The following SMYD3 variants were observed in gnomAD, a reference collection of about 807,000 sequenced individuals.
The protein encoded by SMYD3 is SET and MYND domain containing 3, also known as histone-lysine N-methyltransferase SMYD3.
In SMYD3, 36 loss-of-function variants were observed where a neutral mutation model predicts 57.7. That is an observed-to-expected ratio of 0.62 (90% confidence interval 0.48 to 0.82). SMYD3 has a LOEUF of 0.82. Ranked by LOEUF, SMYD3 falls within the 40% of genes least tolerant of loss-of-function variation. The pLI is 0.00. For synonymous variants in SMYD3, 211 were observed against 195.0 expected (o/e 1.08, Z -0.68); for missense variants, 515 against 538.8 (o/e 0.96, Z 0.44).
At chr1:246,003,556 T>A (rs1170435026) in intron 5 of SMYD3, among the ~76,000 whole-genome samples, 1 of 152,198 alleles carries the variant, frequency 6.6e-6, no homozygotes, top group African/African-American at 2.4e-5. Context: ...CATTCCTTTT[T>A]ATCTCTTCCC....
intron 5 of SMYD3, among the ~76,000 whole-genome samples, chr1:246,165,479 A>G (rs1200956237): frequency 6.6e-6 from 1 of 152,170 alleles, no homozygotes; most frequent in Non-Finnish European, 1.5e-5. Flanking sequence ...GAGCTCTAGA[A>G]AACAGGAAAA....
intron 8 of SMYD3, among the ~76,000 whole-genome samples, chr1:245,899,196 G>A (rs968993495): frequency 2.6e-5 from 4 of 152,036 alleles, no homozygotes; most frequent in African/African-American, 9.7e-5. Flanking sequence ...AATTTTGATT[G>A]AACTAATGTT....
chr1:245,994,056 G>C (rs1056220463), intron 5 of SMYD3, among the ~76,000 whole-genome samples: 1 of 152,128 alleles, frequency 6.6e-6, no homozygotes, highest in Admixed American at 6.5e-5. Flanking sequence ...AATCCAAAAG[G>C]ACTTGTCTTT....
intron 5 of SMYD3, among the ~76,000 whole-genome samples, chr1:246,300,021 A>T (rs1223419714): frequency 2.3e-5 from 3 of 133,114 alleles, no homozygotes; most frequent in African/African-American, 9.1e-5. Context: ...ATTAAAGTTT[A>T]AAAAAAAAAA....
chr1:246,269,543 C>CTTT (rs570972296), intron 5 of SMYD3, among the ~76,000 whole-genome samples: 16,648 of 134,746 alleles, frequency 0.12, 1,385 homozygotes, highest in East Asian at 0.36. Context: ...CTTTTTTTTT[C>CTTT]TTTTTTTTTT....
At chr1:245,816,597 A>T (rs926850568) in intron 10 of SMYD3, among the ~76,000 whole-genome samples, 1 of 150,984 alleles carries the variant, frequency 6.6e-6, no homozygotes, top group African/African-American at 2.4e-5. Flanking sequence ...AGCGTGAGTG[A>T]CATAGAAGAC....
intron 8 of SMYD3, among the ~76,000 whole-genome samples, chr1:245,882,597 C>A (rs2052847484): frequency 6.6e-6 from 1 of 151,890 alleles, no homozygotes; most frequent in Non-Finnish European, 1.5e-5. Flanking sequence ...TTAATGACTA[C>A]AAAATAAATA....
rs905404865 is a variant in SMYD3, at chr1:246,313,885, T to C, written c.531+13316A>G. ...TCATAGGGAAAAGCACACCCAATAA[T>C]GGCTTGAAAATGATAAAGACTCAAT... is the stretch of plus-strand genomic sequence containing the variant. On this transcript the variant is annotated intron_variant, in intron 5 of 11. Coordinates refer to ENST00000490107, the MANE Select transcript of SMYD3 (RefSeq NM_001167740.2). Among the ~76,000 whole-genome samples, 7 of 152,298 alleles carry C rather than the reference T, an allele frequency of 4.6e-5. No individual in the cohort carries two copies. In the South Asian group the frequency reaches 8.3e-4, roughly 18 times the overall value.
In SMYD3 at chr1:246,208,189, TTC is replaced by T. The variant is rs1259609933; in HGVS notation, c.531+119010_531+119011del. On this transcript the variant is annotated intron_variant, in intron 5 of 11. Coordinates refer to ENST00000490107, the MANE Select transcript of SMYD3 (RefSeq NM_001167740.2). Reference sequence around the variant, plus strand: ...CTGTCTCTCTGCATGCACATTTTGATTCTGCAACAGAGGTCCTGCAAGAGCCA... The same window carrying T: ...CTGTCTCTCTGCATGCACATTTTGATTGCAACAGAGGTCCTGCAAGAGCCA... Among the ~76,000 whole-genome samples, 25 of 152,248 alleles carry T rather than the reference TTC, an allele frequency of 1.6e-4. No individual in the cohort carries two copies. The East Asian group carries it at 4.8e-3, about 29-fold the overall frequency.
intron 5 of SMYD3, among the ~76,000 whole-genome samples, chr1:246,045,358 C>A (rs547921664): frequency 6.6e-6 from 1 of 152,130 alleles, no homozygotes; most frequent in East Asian, 1.9e-4. Context: ...CTTTGACAAA[C>A]CTCACAAAAA....
chr1:246,349,953 T>C lies in SMYD3; in HGVS notation c.228+5078A>G, dbSNP rs546124387. On this transcript the variant is annotated intron_variant, in intron 2 of 11. Coordinates refer to ENST00000490107, the MANE Select transcript of SMYD3 (RefSeq NM_001167740.2). ...ATAATCACTTTGAATATCAATGATC[T>C]AAATGCATCAATTAAAAGACAGGAA... 2.0e-5 allele frequency among the ~76,000 whole-genome samples: 3 copies of C among 152,306 alleles called. No individual in the cohort carries two copies. In the South Asian group the frequency reaches 6.2e-4, roughly 32 times the overall value.
intron 1 of SMYD3, among the ~76,000 whole-genome samples, chr1:246,492,405 G>C (rs899703629): frequency 5.3e-5 from 8 of 152,162 alleles, no homozygotes; most frequent in Admixed American, 1.3e-4. Flanking sequence ...AACGCCGATG[G>C]CTCCTGACTA....
chr1:245,875,740 A>G (rs1472745428), intron 8 of SMYD3, among the ~76,000 whole-genome samples: 1 of 152,230 alleles, frequency 6.6e-6, no homozygotes, highest in Non-Finnish European at 1.5e-5. Context: ...ATTTTGGGTC[A>G]TACTCATTGT....
chr1:246,357,970 C>T (rs1188152308), intron 1 of SMYD3, among the ~76,000 whole-genome samples: 5 of 152,130 alleles, frequency 3.3e-5, no homozygotes, highest in Admixed American at 3.3e-4. Context: ...CATCTCAATA[C>T]TAACATTGAC....
chr1:246,194,855 T>C (rs1233404160), intron 5 of SMYD3, among the ~76,000 whole-genome samples: 1 of 152,156 alleles, frequency 6.6e-6, no homozygotes, highest in Non-Finnish European at 1.5e-5. Flanking sequence ...TTCACGAAGA[T>C]TTTCCACAAA....
At chr1:246,016,164 G>A (rs1410033070) in intron 5 of SMYD3, among the ~76,000 whole-genome samples, 5 of 152,002 alleles carry the variant, frequency 3.3e-5, no homozygotes, top group Non-Finnish European at 7.4e-5. Flanking sequence ...CTACTTGGGA[G>A]GCGGAGGTGG....
chr1:246,272,233 T>A (rs578039252), intron 5 of SMYD3, among the ~76,000 whole-genome samples: 1 of 152,348 alleles, frequency 6.6e-6, no homozygotes, highest in African/African-American at 2.4e-5. Context: ...TGAACAGAGA[T>A]AATTTTACCT....
intron 11 of SMYD3, 78 bp from the exon 12 acceptor site, chr1:245,749,742 GC>G: frequency 9.0e-7 from 1 of 1,117,300 alleles, no homozygotes. Context: ...ACCCCATGAT[GC>G]CAGGGGCCTG....
intron 5 of SMYD3, among the ~76,000 whole-genome samples, chr1:246,242,329 T>C (rs537864923): frequency 9.8e-5 from 15 of 152,354 alleles, no homozygotes; most frequent in Non-Finnish European, 1.8e-4. Flanking sequence ...TCTTTATTTC[T>C]GCCTTCATTT....
Sources: allele counts gnomAD v4.1 joint callset (sites outside exome capture counted in the v4.1 genomes callset), GRCh38; gene constraint gnomAD v4.1.1; transcripts MANE v1.5; gene names NCBI Gene and HGNC (gene_info 2026-07-23, HGNC 2026-07-21).